Variants in MYO5B observed in about 807,000 individuals in gnomAD.
The protein encoded by MYO5B is myosin VB.
A neutral mutation model predicts 229.3 loss-of-function variants in MYO5B; 143 were observed. The observed-to-expected ratio is 0.62, with a 90% CI of 0.54 to 0.72. The LOEUF is 0.72. Among genes scored for constraint, MYO5B ranks in the 30% least tolerant of loss-of-function variants. The pLI, the probability that MYO5B is intolerant of heterozygous loss-of-function variation, is 0.00. For missense variants in MYO5B, 2,321 were observed against 2,331.0 expected (o/e 1.00, Z 0.09); for synonymous variants, 918 against 885.2 (o/e 1.04, Z -0.66).
intron 1 of MYO5B, among the ~76,000 whole-genome samples, chr18:50,128,605 T>C (rs754547729): frequency 1.3e-5 from 2 of 152,166 alleles, no homozygotes; most frequent in Non-Finnish European, 2.9e-5. Context: ...CAGAGGACTC[T>C]CACACTCCCT....
chr18:49,878,363 A>T (rs2024549961), intron 24 of MYO5B, among the ~76,000 whole-genome samples: 2 of 152,208 alleles, frequency 1.3e-5, no homozygotes, highest in South Asian at 4.2e-4. Flanking sequence ...TTTGGCTGTC[A>T]GTGTGAAAAT....
chr18:50,024,845 C>A (rs1351428670), intron 4 of MYO5B, among the ~76,000 whole-genome samples: 1 of 152,162 alleles, frequency 6.6e-6, no homozygotes, highest in Non-Finnish European at 1.5e-5. Flanking sequence ...TACACTGGGA[C>A]TTAAAATCAT....
intron 35 of MYO5B, among the ~76,000 whole-genome samples, chr18:49,841,105 TG>T (rs1392011153): frequency 1.3e-5 from 2 of 152,222 alleles, no homozygotes; most frequent in Non-Finnish European, 2.9e-5. Context: ...CTATTGATCA[TG>T]GGTTATGCAG....
chr18:49,996,421 C>T (rs1384852654), intron 5 of MYO5B, among the ~76,000 whole-genome samples: 4 of 152,110 alleles, frequency 2.6e-5, no homozygotes, highest in African/African-American at 9.7e-5. Context: ...AGATGTTCAC[C>T]AGTAGGGAAA....
chr18:49,953,657 G>A (rs1009069019), intron 13 of MYO5B, among the ~76,000 whole-genome samples: 5 of 152,106 alleles, frequency 3.3e-5, no homozygotes, highest in African/African-American at 4.8e-5. Context: ...AAGACCCTAG[G>A]TGATTCATAC....
At chr18:49,974,063 CA>C (rs1159491680) in intron 10 of MYO5B, among the ~76,000 whole-genome samples, 2 of 152,210 alleles carry the variant, frequency 1.3e-5, no homozygotes, top group African/African-American at 4.8e-5. Flanking sequence ...CTCACTTTCT[CA>C]GGTGTAAAAA....
chr18:50,023,125 A>G (rs1424044221), intron 4 of MYO5B, among the ~76,000 whole-genome samples: 1 of 63,524 alleles, frequency 1.6e-5, no homozygotes, highest in Non-Finnish European at 3.5e-5. Context: ...GAGAAATCCT[A>G]CAATGTCTTA....
At chr18:50,186,998 A>AG (rs1380029531) in intron 1 of MYO5B, among the ~76,000 whole-genome samples, 1 of 152,202 alleles carries the variant, frequency 6.6e-6, no homozygotes, top group African/African-American at 2.4e-5. Flanking sequence ...CAAGAACCCC[A>AG]GATCCTGACA....
chr18:49,962,819 C>T, intron 11 of MYO5B, 130 bp downstream of exon 11: 3 of 834,138 alleles, frequency 3.6e-6, no homozygotes, highest in South Asian at 2.7e-5. Flanking sequence ...GGAGGTACCA[C>T]CAGGAAAACC....
At chr18:50,140,443 T>C (rs2032400874) in intron 1 of MYO5B, among the ~76,000 whole-genome samples, 2 of 152,182 alleles carry the variant, frequency 1.3e-5, no homozygotes, top group Non-Finnish European at 2.9e-5. Flanking sequence ...CTGGGGCTAT[T>C]GGGCAATATG....
At chr18:49,964,011 A>G (rs2144263463) in intron 10 of MYO5B, among the ~76,000 whole-genome samples, 1 of 152,344 alleles carries the variant, frequency 6.6e-6, no homozygotes, top group East Asian at 1.9e-4. Flanking sequence ...GAGATGCATC[A>G]TCATTTAACC....
chr18:50,015,744 G>T (rs113988036), intron 4 of MYO5B, among the ~76,000 whole-genome samples: 6 of 152,298 alleles, frequency 3.9e-5, no homozygotes, highest in African/African-American at 1.4e-4. Flanking sequence ...TGCCATCGAG[G>T]TGAGCAAGCA....
In MYO5B at chr18:49,974,381, G is replaced by A. The variant is rs2025721879; in HGVS notation, c.1291C>T (p.His431Tyr). The A allele has an allele frequency of 6.2e-7, 1 of 1,614,208 alleles. No individual in the cohort carries two copies. Among genetic ancestry groups the A allele is most frequent in the Non-Finnish European group, 8.5e-7 (1 of 1,180,040 alleles). The change falls in exon 10 of 40, where the codon CAC (histidine) becomes TAC (tyrosine). Residue 431 changes from histidine to tyrosine, a missense_variant. His to Tyr is a moderately conservative substitution (Grantham distance 83, BLOSUM62 2). Transcript: ENST00000285039. ...NKALHTSLKQ[H>Y]SFIGVLDIYG... Reference sequence around the variant, plus strand: ...ATGTCCAGGACCCCGATGAAGGAGTGCTGCTTGAGGGAGGTGTGCAGGGCC... The same window carrying A: ...ATGTCCAGGACCCCGATGAAGGAGTACTGCTTGAGGGAGGTGTGCAGGGCC...
chr18:49,997,267 TAAAAAAAAAAA>T lies in MYO5B; in HGVS notation c.612+3977_612+3987del, dbSNP rs58927375. Among the ~76,000 whole-genome samples, 77 of 101,200 alleles carry T rather than the reference TAAAAAAAAAAA, an allele frequency of 7.6e-4. 2 individuals are homozygous for T. The highest frequency in any genetic ancestry group is 3.5e-4 in the Non-Finnish European group (19 of 54,598). The allele number at this position is 101,200 out of a possible 152,430, so 66.4% of individuals were successfully genotyped here. On this transcript the variant is annotated intron_variant, in intron 5 of 39. Coordinates refer to ENST00000285039, the MANE Select transcript of MYO5B (RefSeq NM_001080467.3). ...GGGTGACAAAGCAAGGTCCTGTCTT[TAAAAAAAAAAA>T]AAAAAAAAAAAAAAAAAAAGCAAAT...
At chr18:50,133,325 C>T (rs1306241254) in intron 1 of MYO5B, among the ~76,000 whole-genome samples, 3 of 152,210 alleles carry the variant, frequency 2.0e-5, no homozygotes, top group African/African-American at 7.2e-5. Context: ...AAAGAAGATA[C>T]TACATCCCAA....
rs2023827783 is a variant in MYO5B at position 49,825,258 on chromosome 18, A to G, written c.*1213T>C. 6.6e-6 allele frequency: 1 copy of G among 152,236 alleles called. No individual in the cohort carries two copies. Among genetic ancestry groups the G allele is most frequent in the African/African-American group, 2.4e-5 (1 of 41,464 alleles). 9.4% of individuals were successfully genotyped at this position (152,236 alleles called of 1,614,324 possible). On this transcript the variant is annotated 3_prime_UTR_variant, in exon 40 of 40. Coordinates refer to ENST00000285039, the MANE Select transcript of MYO5B (RefSeq NM_001080467.3). ...CCAAAAACAAGTTAAAAAAAATTCT[A>G]AGAGCAGCAAACATCTAAGCCTGTT...
intron 1 of MYO5B, among the ~76,000 whole-genome samples, chr18:50,102,733 T>TAAA (rs112311931): frequency 0.038 from 5,537 of 147,354 alleles, 341 homozygotes; most frequent in African/African-American, 0.13. Context: ...ACCAATGAAT[T>TAAA]AAAAAAAAAA....
At chr18:49,879,789 T>C (rs2024566877) in intron 23 of MYO5B, among the ~76,000 whole-genome samples, 1 of 152,180 alleles carries the variant, frequency 6.6e-6, no homozygotes, top group Admixed American at 6.5e-5. Context: ...TGGGGACTGA[T>C]GGCAGCCCAG....
At chr18:49,946,058 C>G (rs2144230848) in intron 14 of MYO5B, among the ~76,000 whole-genome samples, 1 of 151,870 alleles carries the variant, frequency 6.6e-6, no homozygotes, top group Non-Finnish European at 1.5e-5. Flanking sequence ...CATAACTATA[C>G]TATTGGGTAG....
Sources: gnomAD v4.1 joint callset for allele counts (sites outside exome capture counted in the v4.1 genomes callset) on GRCh38, gnomAD v4.1.1 for gene constraint, MANE v1.5 for transcripts, NCBI Gene and HGNC (gene_info 2026-07-23, HGNC 2026-07-21) for gene names.